HIBADH: variants seen among roughly 807,000 people sequenced by gnomAD.
HIBADH encodes 3-hydroxyisobutyrate dehydrogenase.
In HIBADH, 25 loss-of-function variants were observed where a neutral mutation model predicts 36.1. The ratio of observed to expected loss-of-function variants is 0.69; its 90% CI spans 0.50 to 0.97. The LOEUF is 0.97. Among genes scored for constraint, HIBADH ranks in the 50% least tolerant of loss-of-function variants. The probability of loss-of-function intolerance (pLI) is 0.00; values close to 1 mark genes in which losing one functional copy is unlikely to be tolerated. For synonymous variants in HIBADH, 160 were observed against 149.5 expected, an observed-to-expected ratio of 1.07 and a Z score of -0.51; for missense variants, 421 against 418.0, an observed-to-expected ratio of 1.01 and a Z score of -0.06.
At chr7:27,593,954 C>T (rs567418293) in intron 4 of HIBADH, among the ~76,000 whole-genome samples, 8 of 150,832 alleles carry the variant, frequency 5.3e-5, no homozygotes, top group African/African-American at 1.5e-4. Context: ...ACCCGGGAGG[C>T]GGAGCTTGCA....
At chr7:27,571,440 G>A (rs537425549) in intron 4 of HIBADH, among the ~76,000 whole-genome samples, 34 of 152,182 alleles carry the variant, frequency 2.2e-4, no homozygotes, top group African/African-American at 8.0e-4. Flanking sequence ...GGTCAGGCTG[G>A]TCTCAAACTC....
chr7:27,618,569 T>C (rs1355566713), intron 4 of HIBADH, among the ~76,000 whole-genome samples: 1 of 152,150 alleles, frequency 6.6e-6, no homozygotes, highest in Non-Finnish European at 1.5e-5. Context: ...ACTACTGGCA[T>C]TGGAGTAAGC....
intron 2 of HIBADH, among the ~76,000 whole-genome samples, chr7:27,644,080 T>C (rs930783985): frequency 2.0e-5 from 3 of 152,190 alleles, no homozygotes; most frequent in African/African-American, 7.2e-5. Context: ...ATAATTCGCA[T>C]ACAATTCACC....
At chr7:27,544,757 A>G (rs766586279) in intron 4 of HIBADH, among the ~76,000 whole-genome samples, 2 of 152,206 alleles carry the variant, frequency 1.3e-5, no homozygotes, top group Non-Finnish European at 2.9e-5. Context: ...TTGTATTTAG[A>G]TTACAGACTG....
intron 2 of HIBADH, among the ~76,000 whole-genome samples, 199 bp from the exon 3 acceptor site, chr7:27,632,644 C>T (rs1583610007): frequency 1.3e-5 from 2 of 150,050 alleles, no homozygotes; most frequent in East Asian, 3.9e-4. Flanking sequence ...TATACAGATG[C>T]AGTTTCTGTG....
intron 4 of HIBADH, among the ~76,000 whole-genome samples, chr7:27,544,139 T>C (rs1396186842): frequency 6.6e-6 from 1 of 152,194 alleles, no homozygotes; most frequent in Non-Finnish European, 1.5e-5. Flanking sequence ...ATCTGGCCAT[T>C]AGACAGCTGC....
intron 4 of HIBADH, among the ~76,000 whole-genome samples, chr7:27,557,145 G>GAAAAA (rs59417841): frequency 1.4e-5 from 2 of 144,414 alleles, no homozygotes; most frequent in African/African-American, 2.5e-5. Flanking sequence ...GTCTAAAAAG[G>GAAAAA]AAAAAAAAAA....
At chr7:27,630,496 A>G (rs566961432) in intron 3 of HIBADH, among the ~76,000 whole-genome samples, 5 of 152,206 alleles carry the variant, frequency 3.3e-5, no homozygotes, top group Non-Finnish European at 7.3e-5. Context: ...TGGAATCATG[A>G]TAAGAAAATT....
At chr7:27,583,256 TAGAG>T (rs1310221159) in intron 4 of HIBADH, among the ~76,000 whole-genome samples, 1 of 152,078 alleles carries the variant, frequency 6.6e-6, no homozygotes, top group Non-Finnish European at 1.5e-5. Context: ...AAGGAGATGT[TAGAG>T]GGAAGTAAAA....
chr7:27,598,609 G>A (rs1283301927), intron 4 of HIBADH, among the ~76,000 whole-genome samples: 1 of 152,032 alleles, frequency 6.6e-6, no homozygotes, highest in Non-Finnish European at 1.5e-5. Context: ...CTTCCACCAA[G>A]CAGTTTTAGT....
At chr7:27,657,471 C>G (rs184759878) in intron 1 of HIBADH, among the ~76,000 whole-genome samples, 75 of 152,226 alleles carry the variant, frequency 4.9e-4, no homozygotes, top group Non-Finnish European at 9.4e-4. Context: ...GAGACTAGTT[C>G]TGCTGGTGAA....
At chr7:27,538,518 A>G (rs1189095751) in intron 5 of HIBADH, 101 bp from the exon 6 acceptor site, 39 of 927,138 alleles carry the variant, frequency 4.2e-5, no homozygotes, top group Non-Finnish European at 5.8e-5. Flanking sequence ...TCTAAAAGAA[A>G]TAACATTCAA....
intron 7 of HIBADH, among the ~76,000 whole-genome samples, chr7:27,526,586 C>A (rs1028262929): frequency 4.6e-5 from 7 of 152,088 alleles, no homozygotes; most frequent in African/African-American, 1.7e-4. Context: ...AGTGTCTCTT[C>A]GATTTTTCCA....
chr7:27,549,029 T>C (rs1410494294), intron 4 of HIBADH, among the ~76,000 whole-genome samples: 1 of 152,200 alleles, frequency 6.6e-6, no homozygotes, highest in African/African-American at 2.4e-5. Context: ...TAACATGAAC[T>C]GAGCAAGTAA....
At chr7:27,529,499 G>A (rs764423089) in intron 7 of HIBADH, among the ~76,000 whole-genome samples, 3 of 152,186 alleles carry the variant, frequency 2.0e-5, no homozygotes, top group Non-Finnish European at 4.4e-5. Flanking sequence ...GACTTCAATG[G>A]AGAAAGTCAC....
At chr7:27,606,609 T>C (rs547592311) in intron 4 of HIBADH, among the ~76,000 whole-genome samples, 3 of 152,340 alleles carry the variant, frequency 2.0e-5, no homozygotes, top group South Asian at 4.1e-4. Context: ...AGAGTATTTA[T>C]TGCCTCCAGT....
chr7:27,584,380 C>A (rs1348629342), intron 4 of HIBADH, among the ~76,000 whole-genome samples: 1 of 152,012 alleles, frequency 6.6e-6, no homozygotes, highest in Non-Finnish European at 1.5e-5. Context: ...TTTAACTGCA[C>A]CAACAATCTT....
At chr7:27,577,846 G>C (rs1433557467) in intron 4 of HIBADH, among the ~76,000 whole-genome samples, 1 of 152,176 alleles carries the variant, frequency 6.6e-6, no homozygotes, top group East Asian at 1.9e-4. Flanking sequence ...GAACACATGG[G>C]TGTGGAGTGC....
chr7:27,627,147 C>A (rs1173940105), intron 4 of HIBADH, among the ~76,000 whole-genome samples: 1 of 152,202 alleles, frequency 6.6e-6, no homozygotes, highest in East Asian at 1.9e-4. Flanking sequence ...TGACCACCTG[C>A]TCCCCCATTG....
Sources: allele counts gnomAD v4.1 joint callset (sites outside exome capture counted in the v4.1 genomes callset), GRCh38; gene constraint gnomAD v4.1.1; transcripts MANE v1.5; gene names NCBI Gene and HGNC (gene_info 2026-07-23, HGNC 2026-07-21).